SLC24A2: variants seen among roughly 807,000 people sequenced by gnomAD.
The protein encoded by SLC24A2 is solute carrier family 24 member 2.
SLC24A2 carries 36 observed loss-of-function variants against 62.0 expected under a neutral mutation model. The ratio of observed to expected loss-of-function variants is 0.58; its 90% confidence interval spans 0.44 to 0.77. The LOEUF (loss-of-function observed/expected upper bound fraction) is 0.77. Ranked by LOEUF, SLC24A2 falls within the 30% of genes least tolerant of loss-of-function variation. The pLI, the probability that SLC24A2 is intolerant of heterozygous loss-of-function variation, is 0.00. For synonymous variants in SLC24A2, 358 were observed against 294.0 expected (o/e 1.22, Z -2.23); for missense variants, 846 against 817.9 (o/e 1.03, Z -0.42).
chr9:20,081,545 G>T, the SLC24A2 span, among the ~76,000 whole-genome samples: 1 of 151,360 alleles, frequency 6.6e-6, no homozygotes, highest in Non-Finnish European at 1.5e-5. Context: ...TGAGTTAATG[G>T]GTGCAGCACA....
chr9:20,071,702 A>T, the SLC24A2 span, among the ~76,000 whole-genome samples: 1 of 152,122 alleles, frequency 6.6e-6, no homozygotes, highest in Non-Finnish European at 1.5e-5. Flanking sequence ...TGTGGAACCA[A>T]GCCCCCAACC....
intron 2 of SLC24A2, among the ~76,000 whole-genome samples, chr9:19,640,741 C>A (rs1360590689): frequency 2.0e-5 from 3 of 152,182 alleles, no homozygotes; most frequent in African/African-American, 7.2e-5. Context: ...GCCCTGGTTT[C>A]AATAAAACTT....
the SLC24A2 span, among the ~76,000 whole-genome samples, chr9:20,178,184 A>T: frequency 3.0e-3 from 456 of 152,336 alleles, 2 homozygotes; most frequent in Non-Finnish European, 5.1e-3. Flanking sequence ...CCATCTTCAC[A>T]GTACTTCTTA....
chr9:19,634,684 T>C (rs1816986602), intron 2 of SLC24A2, among the ~76,000 whole-genome samples: 1 of 152,228 alleles, frequency 6.6e-6, no homozygotes, highest in African/African-American at 2.4e-5. Context: ...TCACCCTCTA[T>C]GTGGGACAGA....
the SLC24A2 span, among the ~76,000 whole-genome samples, chr9:20,205,569 T>A: frequency 2.1e-5 from 3 of 145,184 alleles, no homozygotes; most frequent in African/African-American, 7.8e-5. Flanking sequence ...GAGATTGGTG[T>A]GAACCCAGGA....
the SLC24A2 span, chr9:19,957,564 G>C: frequency 1.3e-5 from 2 of 152,730 alleles, no homozygotes; most frequent in Non-Finnish European, 2.9e-5. Flanking sequence ...TTGTAGCCCA[G>C]GTGACAAAGC....
the SLC24A2 span, among the ~76,000 whole-genome samples, chr9:19,811,075 T>C: frequency 6.6e-6 from 1 of 152,082 alleles, no homozygotes; most frequent in Non-Finnish European, 1.5e-5. Context: ...TATGTTGAAA[T>C]TGATGTTATT....
the SLC24A2 span, among the ~76,000 whole-genome samples, chr9:19,910,298 T>A: frequency 6.6e-6 from 1 of 152,056 alleles, no homozygotes; most frequent in African/African-American, 2.4e-5. Flanking sequence ...GCTGATATGA[T>A]CTAAAAATTT....
At chr9:20,290,860 C>T in the SLC24A2 span, among the ~76,000 whole-genome samples, 1 of 152,140 alleles carries the variant, frequency 6.6e-6, no homozygotes, top group Admixed American at 6.5e-5. Flanking sequence ...ACCTTGTGCC[C>T]AGGAGGCACA....
At chr9:19,949,053 G>GC in the SLC24A2 span, among the ~76,000 whole-genome samples, 1 of 151,534 alleles carries the variant, frequency 6.6e-6, no homozygotes, top group African/African-American at 2.4e-5. Context: ...GAGTGCAGTG[G>GC]TGCCATCTCA....
chr9:19,540,345 G>T (rs1421152226), intron 8 of SLC24A2, among the ~76,000 whole-genome samples: 1 of 144,990 alleles, frequency 6.9e-6, no homozygotes, highest in African/African-American at 2.7e-5. Flanking sequence ...GGCTGGTACC[G>T]GTTGTTCCTT....
chr9:19,875,164 A>G, the SLC24A2 span, among the ~76,000 whole-genome samples: 1 of 152,186 alleles, frequency 6.6e-6, no homozygotes, highest in East Asian at 1.9e-4. Flanking sequence ...TTTGTGTCAG[A>G]TTATACTGAA....
chr9:19,997,971 C>G, the SLC24A2 span, among the ~76,000 whole-genome samples: 2 of 152,112 alleles, frequency 1.3e-5, no homozygotes, highest in African/African-American at 4.8e-5. Context: ...TCTCTTAGTT[C>G]ATACCTGGCA....
chr9:19,616,972 TTGTC>T (rs1201763776), intron 4 of SLC24A2, among the ~76,000 whole-genome samples: 2 of 152,088 alleles, frequency 1.3e-5, no homozygotes, highest in East Asian at 3.8e-4. Context: ...GAAGGGGTGT[TTGTC>T]TGAAGACAGA....
chr9:20,103,730 A>G, the SLC24A2 span, among the ~76,000 whole-genome samples: 1 of 152,276 alleles, frequency 6.6e-6, no homozygotes, highest in East Asian at 1.9e-4. Flanking sequence ...AAAAGTAGAT[A>G]AAACCACAAA....
intron 2 of SLC24A2, among the ~76,000 whole-genome samples, chr9:19,664,574 C>T (rs1194869773): frequency 6.6e-6 from 1 of 152,174 alleles, no homozygotes; most frequent in Non-Finnish European, 1.5e-5. Flanking sequence ...ATGTTGAAGT[C>T]CTAATCCACA....
At chr9:20,229,533 T>A in the SLC24A2 span, among the ~76,000 whole-genome samples, 22 of 152,182 alleles carry the variant, frequency 1.4e-4, no homozygotes, top group African/African-American at 5.1e-4. Flanking sequence ...AGAGTGACAA[T>A]GTGCCAGACA....
At chr9:20,195,308 T>C in the SLC24A2 span, among the ~76,000 whole-genome samples, 100 of 152,318 alleles carry the variant, frequency 6.6e-4, no homozygotes, top group African/African-American at 2.3e-3. Flanking sequence ...ACACTAGGCA[T>C]TTATAGTCCA....
the SLC24A2 span, among the ~76,000 whole-genome samples, chr9:20,080,139 A>G: frequency 6.6e-6 from 1 of 152,332 alleles, no homozygotes; most frequent in Admixed American, 6.5e-5. Flanking sequence ...TAAAATTCAT[A>G]TGGAACCAAA....
Sources: gnomAD v4.1 joint callset for allele counts (sites outside exome capture counted in the v4.1 genomes callset) on GRCh38, gnomAD v4.1.1 for gene constraint, MANE v1.5 for transcripts, NCBI Gene and HGNC (gene_info 2026-07-23, HGNC 2026-07-21) for gene names.